SPAG16: variants seen among roughly 807,000 people sequenced by gnomAD.
The protein encoded by SPAG16 is sperm associated antigen 16.
A neutral mutation model predicts 80.4 loss-of-function variants in SPAG16; 86 were observed. The observed-to-expected ratio is 1.07, with a 90% CI of 0.90 to 1.28. The LOEUF is 1.28. SPAG16 is among the 50% of genes most tolerant of loss of function. The pLI, the probability that SPAG16 is intolerant of heterozygous loss-of-function variation, is 0.00. For synonymous variants in SPAG16, 294 were observed against 265.9 expected (o/e 1.11, Z -1.03); for missense variants, 870 against 765.3 (o/e 1.14, Z -1.61).
intron 10 of SPAG16, among the ~76,000 whole-genome samples, chr2:213,804,348 TAAGGA>T: frequency 6.6e-6 from 1 of 152,242 alleles, no homozygotes; most frequent in South Asian, 2.1e-4. Flanking sequence ...TATCTCTGAC[TAAGGA>T]TGGGCAAGGG....
chr2:213,708,473 G>A (rs1390914500), intron 10 of SPAG16, among the ~76,000 whole-genome samples: 6 of 152,070 alleles, frequency 3.9e-5, no homozygotes, highest in East Asian at 1.9e-4. Context: ...AAGTCGAGGC[G>A]GGTAGATCAC....
chr2:213,588,839 A>AAAAAAAAAAAAAC (rs2060574489), intron 10 of SPAG16, among the ~76,000 whole-genome samples: 1 of 144,948 alleles, frequency 6.9e-6, no homozygotes. Flanking sequence ...AAAAAAAAAA[A>AAAAAAAAAAAAAC]AAAAGACTCC....
At chr2:213,651,125 A>G (rs1488246107) in intron 10 of SPAG16, among the ~76,000 whole-genome samples, 1 of 152,220 alleles carries the variant, frequency 6.6e-6, no homozygotes, top group African/African-American at 2.4e-5. Flanking sequence ...TACTGTATCA[A>G]TAAGAAGCAG....
At chr2:213,290,471 C>T (rs974611452) in intron 1 of SPAG16, among the ~76,000 whole-genome samples, 1 of 152,064 alleles carries the variant, frequency 6.6e-6, no homozygotes, top group Non-Finnish European at 1.5e-5. Flanking sequence ...GCCAAGTGTG[C>T]AGATAGGTAA....
At chr2:214,378,216 T>C (rs952117240) in intron 15 of SPAG16, among the ~76,000 whole-genome samples, 3 of 152,250 alleles carry the variant, frequency 2.0e-5, no homozygotes, top group Non-Finnish European at 4.4e-5. Context: ...TCTTTTAAGC[T>C]ACTGAATTTG....
At chr2:213,320,256 A>G (rs954021618) in intron 5 of SPAG16, among the ~76,000 whole-genome samples, 3 of 151,998 alleles carry the variant, frequency 2.0e-5, no homozygotes, top group African/African-American at 7.2e-5. Flanking sequence ...TGATAATTGT[A>G]CATGTGATAT....
At chr2:213,387,431 C>CTTTTTTTTTTTTTTTTTTTTTT (rs71060428) in intron 9 of SPAG16, among the ~76,000 whole-genome samples, 2 of 47,916 alleles carry the variant, frequency 4.2e-5, no homozygotes, top group African/African-American at 1.1e-4. Flanking sequence ...AATGCATGCT[C>CTTTTTTTTTTTTTTTTTTTTTT]TTTTTTTTTT....
chr2:213,687,862 C>T (rs1441100770), intron 10 of SPAG16, among the ~76,000 whole-genome samples: 1 of 152,020 alleles, frequency 6.6e-6, no homozygotes, highest in African/African-American at 2.4e-5. Context: ...TTCTCCTTTC[C>T]TTTAGAGACT....
chr2:213,940,668 T>C (rs2079161052), intron 12 of SPAG16, among the ~76,000 whole-genome samples: 1 of 151,458 alleles, frequency 6.6e-6, no homozygotes, highest in Non-Finnish European at 1.5e-5. Context: ...CTACTTTACA[T>C]ACATAAATTA....
intron 8 of SPAG16, among the ~76,000 whole-genome samples, chr2:213,373,686 G>T (rs924118563): frequency 2.0e-5 from 3 of 152,100 alleles, no homozygotes; most frequent in African/African-American, 7.2e-5. Flanking sequence ...TCTCCCTACT[G>T]ATTTCTCTTT....
intron 9 of SPAG16, among the ~76,000 whole-genome samples, chr2:213,378,297 C>T (rs1330006615): frequency 1.3e-5 from 2 of 152,156 alleles, no homozygotes; most frequent in African/African-American, 2.4e-5. Context: ...TACTTTGCAT[C>T]CTTCAATTCA....
intron 9 of SPAG16, among the ~76,000 whole-genome samples, chr2:213,468,692 G>T (rs1377684578): frequency 6.8e-6 from 1 of 147,426 alleles, no homozygotes; most frequent in Non-Finnish European, 1.5e-5. Context: ...GTGTGTATAT[G>T]TGTGTATATA....
intron 10 of SPAG16, among the ~76,000 whole-genome samples, chr2:213,780,903 A>G (rs1311452651): frequency 6.6e-6 from 1 of 152,164 alleles, no homozygotes; most frequent in African/African-American, 2.4e-5. Context: ...TCAATTTCTA[A>G]TAGTATACAT....
At chr2:213,663,530 C>A (rs2063497029) in intron 10 of SPAG16, among the ~76,000 whole-genome samples, 1 of 152,040 alleles carries the variant, frequency 6.6e-6, no homozygotes, top group African/African-American at 2.4e-5. Context: ...TTCAAACACA[C>A]TTAGAGGATT....
At chr2:213,930,911 C>T in intron 12 of SPAG16, among the ~76,000 whole-genome samples, 1 of 152,144 alleles carries the variant, frequency 6.6e-6, no homozygotes, top group East Asian at 1.9e-4. Flanking sequence ...GAAGGACCTC[C>T]ATCCACCAGA....
At chr2:213,806,935 G>A (rs2248746) in intron 10 of SPAG16, among the ~76,000 whole-genome samples, 22 of 152,062 alleles carry the variant, frequency 1.4e-4, no homozygotes, top group African/African-American at 4.6e-4. Context: ...TAATTAATGC[G>A]TGTTTTCAAA....
intron 10 of SPAG16, among the ~76,000 whole-genome samples, chr2:213,745,879 A>G (rs950796325): frequency 2.0e-5 from 3 of 152,214 alleles, no homozygotes; most frequent in South Asian, 2.1e-4. Flanking sequence ...TTGATGGTAC[A>G]CTTTTAACAC....
chr2:214,250,757 T>TATAGAG (rs1475343777), intron 15 of SPAG16, among the ~76,000 whole-genome samples: 1,504 of 91,148 alleles, frequency 0.017, 20 homozygotes, highest in Non-Finnish European at 0.024. Flanking sequence ...TATATATATA[T>TATAGAG]AGAGAGAGAG....
chr2:214,234,362 T>A (rs1688929620), intron 15 of SPAG16, among the ~76,000 whole-genome samples: 1 of 152,308 alleles, frequency 6.6e-6, no homozygotes, highest in Middle Eastern at 3.4e-3. Context: ...AGTGCATGTA[T>A]CTTTATGATA....
Sources: allele counts gnomAD v4.1 joint callset (sites outside exome capture counted in the v4.1 genomes callset), GRCh38; gene constraint gnomAD v4.1.1; transcripts MANE v1.5; gene names NCBI Gene and HGNC (gene_info 2026-07-23, HGNC 2026-07-21).